The following ARHGAP26 variants were observed in gnomAD, a reference collection of about 807,000 sequenced individuals.
ARHGAP26 encodes Rho GTPase activating protein 26, also known as rho GTPase-activating protein 26.
In ARHGAP26, 38 loss-of-function variants were observed where a neutral mutation model predicts 104.8. That is an observed-to-expected ratio of 0.36 (90% confidence interval 0.28 to 0.48). The LOEUF (loss-of-function observed/expected upper bound fraction) is 0.48, where lower values mean the gene tolerates loss of function less well. Ranked by LOEUF, ARHGAP26 falls within the 20% of genes least tolerant of loss-of-function variation. The pLI, the probability that ARHGAP26 is intolerant of heterozygous loss-of-function variation, is 0.99. For missense variants in ARHGAP26, 704 were observed against 947.9 expected, an observed-to-expected ratio of 0.74 and a Z score of 3.38; for synonymous variants, 341 against 340.0, an observed-to-expected ratio of 1.00 and a Z score of -0.03.
intron 5 of ARHGAP26, among the ~76,000 whole-genome samples, chr5:142,891,950 A>G (rs1470918313): frequency 3.3e-5 from 5 of 151,966 alleles, no homozygotes; most frequent in Admixed American, 2.0e-4. Flanking sequence ...ACTTCCCAGC[A>G]TAGCATCTTG....
In ARHGAP26 at chr5:143,041,860, A is replaced by T; in HGVS notation, c.1255A>T (p.Arg419Ter). The change falls in exon 14 of 23, where the codon AGA (arginine) becomes TGA (stop). Residue 419 changes from arginine to a stop codon, truncating the protein, a stop_gained. Coordinates refer to ENST00000645722, the MANE Select transcript of ARHGAP26 (RefSeq NM_001135608.3). LOFTEE classifies it high-confidence loss of function. ...GTATCGAATTGTGGGTGTCAACTCCAGAGTGCAGAAGTTGCTGAGTGTCCT... is the reference window on the plus strand; with the variant it reads ...GTATCGAATTGTGGGTGTCAACTCCTGAGTGCAGAAGTTGCTGAGTGTCCT... ...GLYRIVGVNS[R>*]VQKLLSVLMD... 1 of 1,600,942 alleles carries T rather than the reference A, an allele frequency of 6.2e-7. No individual in the cohort carries two copies. The highest frequency in any genetic ancestry group is 8.5e-7 in the Non-Finnish European group (1 of 1,173,384).
At chr5:143,022,196 C>A (rs1780434192) in intron 12 of ARHGAP26, among the ~76,000 whole-genome samples, 2 of 152,156 alleles carry the variant, frequency 1.3e-5, no homozygotes, top group African/African-American at 4.8e-5. Context: ...CTCAACCTCC[C>A]TAGTAGCTGG....
intron 1 of ARHGAP26, among the ~76,000 whole-genome samples, chr5:142,845,385 A>T (rs1190433756): frequency 6.6e-6 from 1 of 152,144 alleles, no homozygotes; most frequent in Non-Finnish European, 1.5e-5. Context: ...TAAGAATAGC[A>T]AATGTCCAAG....
intron 17 of ARHGAP26, among the ~76,000 whole-genome samples, chr5:143,099,937 A>G (rs189872511): frequency 7.2e-5 from 11 of 152,378 alleles, no homozygotes; most frequent in African/African-American, 2.6e-4. Flanking sequence ...AATATTGTTG[A>G]AATTAAAAAC....
In ARHGAP26 at chr5:143,227,081, C is replaced by T. The variant is rs1434347192; in HGVS notation, c.*4635C>T. On this transcript the variant is annotated 3_prime_UTR_variant, in exon 23 of 23. Coordinates refer to ENST00000645722, the MANE Select transcript of ARHGAP26 (RefSeq NM_001135608.3). ...CAAAGATAACCTGATCCCTGCCTGT[C>T]TGTTGGCACCTGTCATCCTCTGGCT... 2 of 230,578 alleles carry T rather than the reference C, an allele frequency of 8.7e-6. No homozygotes were observed. Among genetic ancestry groups the T allele is most frequent in the African/African-American group, 4.4e-5 (2 of 45,186 alleles). 14.3% of individuals were successfully genotyped at this position (230,578 alleles called of 1,614,324 possible). A position where few individuals can be genotyped will look rare whatever the true frequency, so the allele number is the denominator to read the frequency against.
chr5:143,056,067 A>C lies in ARHGAP26; in HGVS notation c.1413A>C (p.Arg471Ser), dbSNP rs1785763216. 6.2e-7 allele frequency: 1 copy of C among 1,613,338 alleles called. No homozygotes were observed. The highest frequency in any genetic ancestry group is 8.5e-7 in the Non-Finnish European group (1 of 1,179,590). The change falls in exon 16 of 23, where the codon AGA becomes AGC. Residue 471 changes from arginine to serine, a missense_variant. Around this residue, in one of 6 missense-constraint regions of ARHGAP26, gnomAD observed 287 missense variants for 438.8 expected, o/e 0.65. Transcript: ENST00000645722. ...CACTCATGATGTACCAGTTTCAAAG[A>C]AGTTTCATCAAAGCAGCAAGTAAGT... is the stretch of plus-strand genomic sequence containing the variant. ...PGPLMMYQFQ[R>S]SFIKAAKLEN...
At chr5:143,151,629 T>G (rs1465709310) in intron 20 of ARHGAP26, among the ~76,000 whole-genome samples, 1 of 152,162 alleles carries the variant, frequency 6.6e-6, no homozygotes, top group African/African-American at 2.4e-5. Context: ...TGAAAAGACA[T>G]GGAGGAACTT....
intron 11 of ARHGAP26, among the ~76,000 whole-genome samples, chr5:142,938,983 A>G (rs759120120): frequency 2.6e-5 from 4 of 152,230 alleles, no homozygotes; most frequent in Admixed American, 6.5e-5. Flanking sequence ...ATACTTTAGC[A>G]TCAACAATTG....
chr5:142,844,854 CAA>C (rs550211748), intron 1 of ARHGAP26, among the ~76,000 whole-genome samples: 40 of 80,532 alleles, frequency 5.0e-4, no homozygotes, highest in Admixed American at 1.1e-3. Flanking sequence ...GACTGCGTCT[CAA>C]AAAAAAAAAA....
chr5:143,087,888 A>G (rs901981243), intron 17 of ARHGAP26, among the ~76,000 whole-genome samples: 22 of 151,666 alleles, frequency 1.5e-4, no homozygotes, highest in African/African-American at 4.6e-4. Context: ...ACCTCAGGTG[A>G]TACACCCGCC....
chr5:143,086,269 T>A (rs1300343675), intron 17 of ARHGAP26, among the ~76,000 whole-genome samples: 2 of 152,226 alleles, frequency 1.3e-5, no homozygotes, highest in Non-Finnish European at 2.9e-5. Context: ...CCTCTGGCAT[T>A]ACTAAAATGA....
chr5:142,850,596 C>T (rs540540972), intron 1 of ARHGAP26, among the ~76,000 whole-genome samples: 10 of 152,312 alleles, frequency 6.6e-5, no homozygotes, highest in African/African-American at 2.2e-4. Flanking sequence ...CTCTGAGCCT[C>T]AGTCTCTCCG....
chr5:142,890,195 T>TATATGA (rs1554140804), intron 5 of ARHGAP26, among the ~76,000 whole-genome samples: 1 of 121,362 alleles, frequency 8.2e-6, no homozygotes, highest in South Asian at 2.7e-4. Context: ...TATATATATA[T>TATATGA]ATGAAAGTGC....
At chr5:142,959,743 A>G (rs574967146) in intron 11 of ARHGAP26, among the ~76,000 whole-genome samples, 4 of 152,344 alleles carry the variant, frequency 2.6e-5, no homozygotes, top group East Asian at 3.9e-4. Flanking sequence ...TTTAAGGTCT[A>G]CTGACTTGGG....
At chr5:142,969,381 T>C (rs1771901343) in intron 11 of ARHGAP26, 1 of 152,222 alleles carries the variant, frequency 6.6e-6, no homozygotes, top group Non-Finnish European at 1.5e-5. Context: ...AGGATGAAGA[T>C]GAAGCTGTTT....
chr5:143,173,988 C>T (rs1448586430), intron 20 of ARHGAP26, among the ~76,000 whole-genome samples: 6 of 152,336 alleles, frequency 3.9e-5, no homozygotes, highest in Non-Finnish European at 8.8e-5. Flanking sequence ...AGCATCAAAA[C>T]AGAGAAGTGT....
intron 11 of ARHGAP26, among the ~76,000 whole-genome samples, chr5:142,944,232 T>C (rs1306736465): frequency 2.0e-5 from 3 of 152,238 alleles, no homozygotes; most frequent in Admixed American, 6.5e-5. Flanking sequence ...TTCTGTTGTG[T>C]AGCATTTTTG....
chr5:143,056,797 T>C (rs1021259880), intron 16 of ARHGAP26, among the ~76,000 whole-genome samples: 6 of 152,186 alleles, frequency 3.9e-5, no homozygotes, highest in African/African-American at 1.4e-4. Context: ...TTTCAGCCTT[T>C]AGAATTTATT....
At chr5:142,925,705 T>C (rs1204430032) in intron 10 of ARHGAP26, among the ~76,000 whole-genome samples, 1 of 152,196 alleles carries the variant, frequency 6.6e-6, no homozygotes, top group Non-Finnish European at 1.5e-5. Flanking sequence ...GTCTCCTAAA[T>C]AAGCATAAGG....
Sources: allele counts gnomAD v4.1 joint callset (sites outside exome capture counted in the v4.1 genomes callset), GRCh38; gene constraint gnomAD v4.1.1; regional missense constraint gnomAD v4.1.1; transcripts MANE v1.5; gene names NCBI Gene and HGNC (gene_info 2026-07-23, HGNC 2026-07-21).